Variants in PDGFRA observed in about 807,000 individuals in gnomAD.
PDGFRA encodes platelet derived growth factor receptor alpha.
PDGFRA carries 25 observed loss-of-function variants against 121.5 expected under a neutral mutation model. That is an observed-to-expected ratio of 0.21 (90% CI 0.15 to 0.29). The LOEUF (loss-of-function observed/expected upper bound fraction) is 0.29. Among genes scored for constraint, PDGFRA ranks in the 10% least tolerant of loss-of-function variants. The pLI, the probability that PDGFRA is intolerant of heterozygous loss-of-function variation, is 1.00. For synonymous variants in PDGFRA, 463 were observed against 494.8 expected, an observed-to-expected ratio of 0.94 and a Z score of 0.85; for missense variants, 1,008 against 1,345.1, an observed-to-expected ratio of 0.75 and a Z score of 3.92.
rs372482703 is a variant in PDGFRA, at chr4:54,236,980, T to C, written c.-13+7565T>C. Among the ~76,000 whole-genome samples, 33 of 152,202 alleles carry C rather than the reference T, an allele frequency of 2.2e-4. No individual in the cohort carries two copies. In the South Asian group the frequency reaches 5.6e-3, roughly 26 times the overall value. Reference sequence around the variant, plus strand: ...GAGGACCTGTTTCCATTGCCCACTTTTTTTTTGAGACAGAATCTTGCTCTG... The same window carrying C: ...GAGGACCTGTTTCCATTGCCCACTTCTTTTTTGAGACAGAATCTTGCTCTG... On this transcript the variant is annotated intron_variant, in intron 1 of 22. Coordinates refer to ENST00000257290, the MANE Select transcript of PDGFRA (RefSeq NM_006206.6).
chr4:54,246,581 A>AT (rs1431735841), intron 1 of PDGFRA, among the ~76,000 whole-genome samples: 3 of 152,174 alleles, frequency 2.0e-5, no homozygotes, highest in Admixed American at 2.0e-4. Context: ...GTAGAGGGAA[A>AT]TTTATAGCAC....
intron 9 of PDGFRA, 116 bp from the exon 10 acceptor site, chr4:54,273,421 G>T: frequency 1.3e-6 from 1 of 796,652 alleles, no homozygotes; most frequent in East Asian, 2.5e-5. Context: ...AGTGTGTATT[G>T]CCCCGAAATG....
At chr4:54,255,296 C>T (rs932920066) in intron 1 of PDGFRA, among the ~76,000 whole-genome samples, 3 of 152,048 alleles carry the variant, frequency 2.0e-5, no homozygotes, top group Non-Finnish European at 2.9e-5. Context: ...AGCTTGCTAC[C>T]TTTCACTCTG....
intron 18 of PDGFRA, 147 bp from the exon 19 acceptor site, chr4:54,287,283 G>A (rs1724407063): frequency 1.4e-6 from 1 of 729,526 alleles, no homozygotes; most frequent in Non-Finnish European, 2.5e-6. Context: ...GTTCAGTAAT[G>A]AACAAAACAC....
chr4:54,231,039 C>A (rs1234269021), intron 1 of PDGFRA, among the ~76,000 whole-genome samples: 1 of 152,206 alleles, frequency 6.6e-6, no homozygotes, highest in Non-Finnish European at 1.5e-5. Context: ...CTGCCGATGG[C>A]CTGGCCTCGC....
chr4:54,240,517 G>A (rs1324061655), intron 1 of PDGFRA, among the ~76,000 whole-genome samples: 1 of 152,216 alleles, frequency 6.6e-6, no homozygotes, highest in African/African-American at 2.4e-5. Flanking sequence ...CCACCCAGGG[G>A]AAATCTTGGT....
At chr4:54,258,062 C>G (rs1364958712) in intron 1 of PDGFRA, among the ~76,000 whole-genome samples, 1 of 152,152 alleles carries the variant, frequency 6.6e-6, no homozygotes, top group Non-Finnish European at 1.5e-5. Context: ...TACTGCATCC[C>G]TCCTACCCCC....
At chr4:54,265,926 T>C (rs1334651155) in intron 5 of PDGFRA, among the ~76,000 whole-genome samples, 1 of 152,234 alleles carries the variant, frequency 6.6e-6, no homozygotes, top group African/African-American at 2.4e-5. Context: ...CTTCTATCCA[T>C]TGATCTCCCT....
chr4:54,233,503 C>G (rs1395184457), intron 1 of PDGFRA, among the ~76,000 whole-genome samples: 1 of 152,234 alleles, frequency 6.6e-6, no homozygotes, highest in Non-Finnish European at 1.5e-5. Flanking sequence ...CCCGCTTTCC[C>G]CAGCCCCGGG....
intron 10 of PDGFRA, 100 bp downstream of exon 10, chr4:54,273,830 C>A: frequency 1.1e-6 from 1 of 926,424 alleles, no homozygotes; most frequent in Non-Finnish European, 1.7e-6. Flanking sequence ...ATGAAGGTCC[C>A]AAGGCAGAAA....
rs141835121 is a variant in PDGFRA at position 54,277,900 on chromosome 4, G to A, written c.1896G>A (p.Thr632=). ...TGTGATTTATTCTTTCAACAGCCACGGCCAGATCCAGTGAAAAACAAGCTC... is the reference window on the plus strand; with the variant it reads ...TGTGATTTATTCTTTCAACAGCCACAGCCAGATCCAGTGAAAAACAAGCTC... ...MKVAVKMLKP[T]ARSSEKQALM... The change falls in exon 14 of 23, where the codon ACG becomes ACA. Residue 632 remains threonine, a synonymous_variant. Coordinates refer to ENST00000257290, the MANE Select transcript of PDGFRA (RefSeq NM_006206.6). The A allele has an allele frequency of 4.8e-5, 78 of 1,608,286 alleles. No individual in the cohort carries two copies. The highest frequency in any genetic ancestry group is 1.7e-4 in the Middle Eastern group (1 of 6,060).
At chr4:54,280,071 C>A (rs1428526247) in intron 15 of PDGFRA, among the ~76,000 whole-genome samples, 1 of 152,132 alleles carries the variant, frequency 6.6e-6, no homozygotes, top group Non-Finnish European at 1.5e-5. Context: ...TTTAGTATGA[C>A]TTCCTTTCCT....
intron 16 of PDGFRA, among the ~76,000 whole-genome samples, chr4:54,282,834 G>T (rs1724141141): frequency 6.6e-6 from 1 of 152,208 alleles, no homozygotes; most frequent in Non-Finnish European, 1.5e-5. Context: ...TATAGGCATT[G>T]GGTCAACATT....
intron 8 of PDGFRA, among the ~76,000 whole-genome samples, chr4:54,271,617 CTCCT>C (rs1223995568): frequency 2.1e-5 from 3 of 142,332 alleles, no homozygotes; most frequent in African/African-American, 7.8e-5. Context: ...TTTCCTTTCT[CTCCT>C]TCCTTCCCTC....
intron 1 of PDGFRA, among the ~76,000 whole-genome samples, chr4:54,257,785 G>T (rs1428790025): frequency 6.6e-6 from 1 of 152,138 alleles, no homozygotes; most frequent in Non-Finnish European, 1.5e-5. Context: ...TTCACAGTTT[G>T]CCAGAATAGT....
intron 1 of PDGFRA, among the ~76,000 whole-genome samples, chr4:54,246,435 A>G (rs565465092): frequency 1.3e-5 from 2 of 152,344 alleles, no homozygotes; most frequent in South Asian, 2.1e-4. Flanking sequence ...GCTCAACTAC[A>G]TGGAAACTGA....
At chr4:54,281,871 C>A in intron 16 of PDGFRA, 4 of 1,203,724 alleles carry the variant, frequency 3.3e-6, no homozygotes, top group Non-Finnish European at 4.2e-6. Context: ...TGGCACTGAT[C>A]TCTAAGATGC....
intron 14 of PDGFRA, 125 bp from the exon 15 acceptor site, chr4:54,278,223 TAAAAAAAAAAAAAA>T (rs5858262): frequency 2.5e-4 from 136 of 547,468 alleles, no homozygotes; most frequent in Non-Finnish European, 3.0e-4. Flanking sequence ...GGCTCTTTAT[TAAAAAAAAAAAAAA>T]AAAAAAAAAA....
At chr4:54,277,264 T>G in intron 12 of PDGFRA, 124 bp from the exon 13 acceptor site, 1 of 755,476 alleles carries the variant, frequency 1.3e-6, no homozygotes, top group South Asian at 1.4e-5. Flanking sequence ...GGAGGAGTCA[T>G]TATGATTACT....
Sources: allele counts gnomAD v4.1 joint callset (sites outside exome capture counted in the v4.1 genomes callset), GRCh38; gene constraint gnomAD v4.1.1; transcripts MANE v1.5; gene names NCBI Gene and HGNC (gene_info 2026-07-23, HGNC 2026-07-21).